Variants in CTSV observed in about 807,000 individuals in gnomAD.
The protein encoded by CTSV is cathepsin L2.
CTSV carries 33 observed loss-of-function variants against 35.6 expected under a neutral mutation model. That is an observed-to-expected ratio of 0.93 (90% CI 0.70 to 1.24). CTSV has a LOEUF of 1.24. Ranked by LOEUF, CTSV falls within the 50% of genes most tolerant of loss-of-function variation. The pLI is 0.00. For synonymous variants in CTSV, 154 were observed against 147.1 expected, an observed-to-expected ratio of 1.05 and a Z score of -0.34; for missense variants, 408 against 413.1, an observed-to-expected ratio of 0.99 and a Z score of 0.11.
chr9:97,032,870 A>G lies in CTSV; in HGVS notation c.*79T>C, dbSNP rs1828777730. 5 of 940,276 alleles carry G rather than the reference A, an allele frequency of 5.3e-6. No individual in the cohort carries two copies. The highest frequency in any genetic ancestry group is 1.6e-5 in the African/African-American group (1 of 61,350). The allele number at this position is 940,276 out of a possible 1,614,324, so 58.2% of individuals were successfully genotyped here. A position where few individuals can be genotyped will look rare whatever the true frequency, so the allele number is the denominator to read the frequency against. On this transcript the variant is annotated 3_prime_UTR_variant, in exon 8 of 8. Transcript: ENST00000259470. ...TGATTCAACTGGTTTATCTTACACA[A>G]TAAGCGTTTGGTCAGTTTCAAGATA...
At position 97,031,074 on chromosome 9, in the gene CTSV, TG is replaced by T. The variant is rs1444715869; in HGVS notation, c.*1874del. 6.6e-6 allele frequency: 1 copy of T among 152,218 alleles called. No individual in the cohort carries two copies. Among genetic ancestry groups the T allele is most frequent in the Non-Finnish European group, 1.5e-5 (1 of 68,042 alleles). The allele number at this position is 152,218 out of a possible 1,614,324, so 9.4% of individuals were successfully genotyped here. A position where few individuals can be genotyped will look rare whatever the true frequency, so the allele number is the denominator to read the frequency against. On this transcript the variant is annotated 3_prime_UTR_variant, in exon 8 of 8. Transcript: ENST00000259470. ...TCTATTTTAGTTTTCCGAGGGGTGC[TG>T]TTTTGACAGATTTGAAATTTTTTTA...
rs1828736556 is a variant in CTSV, at chr9:97,031,044, A to G, written c.*1905T>C. ...TCTTTGAAAATTATAAAATCTTGAA[A>G]TATCTCTATTTTAGTTTTCCGAGGG... On this transcript the variant is annotated 3_prime_UTR_variant, in exon 8 of 8. Transcript: ENST00000259470. The G allele has an allele frequency of 1.3e-5, 2 of 152,222 alleles. No homozygotes were observed. Among genetic ancestry groups the G allele is most frequent in the Admixed American group, 1.3e-4 (2 of 15,278 alleles). 9.4% of individuals were successfully genotyped at this position (152,222 alleles called of 1,614,324 possible).
chr9:97,032,366 C>G lies in CTSV; in HGVS notation c.*583G>C, dbSNP rs1422517921. On this transcript the variant is annotated 3_prime_UTR_variant, in exon 8 of 8. Transcript: ENST00000259470. Reference sequence around the variant, plus strand: ...TGAGCTGAGATCACACTACTGCACTCCAGCCTTGGTGACAGAGTGAGAGAG... The same window carrying G: ...TGAGCTGAGATCACACTACTGCACTGCAGCCTTGGTGACAGAGTGAGAGAG... 1 of 152,160 alleles carries G rather than the reference C, an allele frequency of 6.6e-6. No individual in the cohort carries two copies. Among genetic ancestry groups the G allele is most frequent in the Non-Finnish European group, 1.5e-5 (1 of 68,080 alleles). 9.4% of individuals were successfully genotyped at this position (152,160 alleles called of 1,614,324 possible). A position where few individuals can be genotyped will look rare whatever the true frequency, so the allele number is the denominator to read the frequency against.
At chr9:97,036,387 A>G (rs1428802982) in intron 5 of CTSV, 136 bp downstream of exon 5, 1 of 747,768 alleles carries the variant, frequency 1.3e-6, no homozygotes. Context: ...ATAATTTATA[A>G]TGACAATACT....
Position 97,032,559 on chromosome 9 carries a change from C to T in CTSV, c.*390G>A, listed in dbSNP as rs1014291047. The stretch of plus-strand genomic sequence containing the variant: ...AAGCCAGCTTTCTGCTAGCATCTTT[C>T]TCCTAACATACCATTGGCACATGAA... On this transcript the variant is annotated 3_prime_UTR_variant, in exon 8 of 8. Coordinates refer to ENST00000259470, the MANE Select transcript of CTSV (RefSeq NM_001333.4). 10 of 158,790 alleles carry T rather than the reference C, an allele frequency of 6.3e-5. No homozygotes were observed. The highest frequency in any genetic ancestry group is 2.4e-4 in the African/African-American group (10 of 41,694). The allele number at this position is 158,790 out of a possible 1,614,324, so 9.8% of individuals were successfully genotyped here. A position where few individuals can be genotyped will look rare whatever the true frequency, so the allele number is the denominator to read the frequency against.
chr9:97,033,365 T>C (rs1298159863), intron 7 of CTSV, among the ~76,000 whole-genome samples: 1 of 151,626 alleles, frequency 6.6e-6, no homozygotes, highest in East Asian at 1.9e-4. Flanking sequence ...TCCCAGCACT[T>C]TGGGAGGCTG....
At chr9:97,033,077 T>C (rs1828782963) in intron 7 of CTSV, 29 bp from the exon 8 acceptor site, 4 of 1,522,658 alleles carry the variant, frequency 2.6e-6, no homozygotes, top group South Asian at 2.3e-5. Context: ...TTCCATTTTA[T>C]ACAAGGAATC....
At chr9:97,033,836 C>T (rs1398437072) in intron 7 of CTSV, among the ~76,000 whole-genome samples, 2 of 152,112 alleles carry the variant, frequency 1.3e-5, no homozygotes, top group South Asian at 4.1e-4. Flanking sequence ...TGGCTCATGT[C>T]TGTAATACCA....
At position 97,033,047 on chromosome 9, in the gene CTSV, A is replaced by G; in HGVS notation, c.907T>C (p.Trp303Arg). Residue 303 changes from tryptophan to arginine, a missense_variant and splice_region_variant, in exon 8 of 8, where the codon TGG (tryptophan) becomes CGG (arginine). Trp to Arg is a moderately radical substitution (Grantham distance 101). Transcript: ENST00000259470. ...NSKYWLVKNS[W>R]GPEWGSNGYV... ...CCATTCGAGCCCCATTCTGGACCCC[A>G]GCTGAAAGAGGAGCAGGTTTTCCAT... The G allele has an allele frequency of 6.2e-7, 1 of 1,605,826 alleles. No individual in the cohort carries two copies. The highest frequency in any genetic ancestry group is 8.5e-7 in the Non-Finnish European group (1 of 1,176,514).
chr9:97,037,294 C>T lies in CTSV; in HGVS notation c.354G>A (p.Val118=). The T allele has an allele frequency of 1.2e-6, 2 of 1,614,140 alleles. No individual in the cohort carries two copies. Among genetic ancestry groups the T allele is most frequent in the Non-Finnish European group, 8.5e-7 (1 of 1,180,022 alleles). Residue 118 remains valine, a synonymous_variant, in exon 4 of 8, where the codon GTG becomes GTA. Transcript: ENST00000259470. The part of the protein sequence containing the change: ...EPLFLDLPKS[V]DWRKKGYVTP... ...TCACGTAGCCTTTCTTTCTCCAATC[C>T]ACAGATTTGGGAAGATCAAGAAACA... is the stretch of plus-strand genomic sequence containing the variant.
rs751319414 is a variant in CTSV, at chr9:97,035,567, T to C, written c.748A>G (p.Met250Val). The C allele has an allele frequency of 1.9e-6, 3 of 1,589,468 alleles. No homozygotes were observed. Among genetic ancestry groups the C allele is most frequent in the Middle Eastern group, 1.7e-4 (1 of 5,978 alleles). The change falls in exon 6 of 8, where the codon ATG (methionine) becomes GTG (valine). Residue 250 changes from methionine (M) to valine (V), a missense_variant. Coordinates refer to ENST00000259470, the MANE Select transcript of CTSV (RefSeq NM_001333.4). ...TGGAAGGACGAATGGCCTGCATCCA[T>C]AGCAACGGAGATGGGCCCCACAGTT... ...VATVGPISVA[M>V]DAGHSSFQFY...
In CTSV at chr9:97,035,704, T is replaced by G; in HGVS notation, c.622-11A>C. On this transcript the variant is annotated splice_polypyrimidine_tract_variant and intron_variant, in intron 5 of 7. Coordinates refer to ENST00000259470, the MANE Select transcript of CTSV (RefSeq NM_001333.4). The stretch of plus-strand genomic sequence containing the variant: ...CTTACAGATTTCATCCTTTTAAAGT[T>G]AAAGGGGGAGAGACTTGATCACTAC... 4.1e-6 allele frequency: 6 copies of G among 1,466,310 alleles called. No homozygotes were observed. Among genetic ancestry groups the G allele is most frequent in the Non-Finnish European group, 4.6e-6 (5 of 1,096,614 alleles). 90.8% of individuals were successfully genotyped at this position (1,466,310 alleles called of 1,614,324 possible).
At position 97,032,742 on chromosome 9, in the gene CTSV, G is replaced by A; in HGVS notation, c.*207C>T. 4.8e-6 allele frequency: 2 copies of A among 416,888 alleles called. No homozygotes were observed. The highest frequency in any genetic ancestry group is 8.4e-6 in the Non-Finnish European group (2 of 237,072). 25.8% of individuals were successfully genotyped at this position (416,888 alleles called of 1,614,324 possible). A position where few individuals can be genotyped will look rare whatever the true frequency, so the allele number is the denominator to read the frequency against. On this transcript the variant is annotated 3_prime_UTR_variant, in exon 8 of 8. Transcript: ENST00000259470. ...CAAAAGTCTTAGAATTAAGCAATGA[G>A]TCTTTGATATCATAAAGCTGTGTAT... is the stretch of plus-strand genomic sequence containing the variant.
rs2119226791 is a variant in CTSV at position 97,032,711 on chromosome 9, A to G, written c.*238T>C. On this transcript the variant is annotated 3_prime_UTR_variant, in exon 8 of 8. Coordinates refer to ENST00000259470, the MANE Select transcript of CTSV (RefSeq NM_001333.4). ...GTTTTGTACATCTTTTTAAAAAATG[A>G]AAATTCAAAAGTCTTAGAATTAAGC... 2.6e-6 allele frequency: 1 copy of G among 382,370 alleles called. No homozygotes were observed. Among genetic ancestry groups the G allele is most frequent in the East Asian group, 3.9e-5 (1 of 25,736 alleles). The allele number at this position is 382,370 out of a possible 1,614,324, so 23.7% of individuals were successfully genotyped here.
rs1828767948 is a variant in CTSV, at chr9:97,032,384, TGA to T, written c.*563_*564del. Reference sequence around the variant, plus strand: ...CTGCACTCCAGCCTTGGTGACAGAGTGAGAGAGACTCCGTCTCATAAAAAAAA... The same window carrying T: ...CTGCACTCCAGCCTTGGTGACAGAGTGAGAGACTCCGTCTCATAAAAAAAA... On this transcript the variant is annotated 3_prime_UTR_variant, in exon 8 of 8. Transcript: ENST00000259470. The T allele has an allele frequency of 6.6e-6, 1 of 151,962 alleles. No homozygotes were observed. The highest frequency in any genetic ancestry group is 1.5e-5 in the Non-Finnish European group (1 of 68,062). 9.4% of individuals were successfully genotyped at this position (151,962 alleles called of 1,614,324 possible). A position where few individuals can be genotyped will look rare whatever the true frequency, so the allele number is the denominator to read the frequency against.
chr9:97,034,323 A>G (rs780784562), intron 7 of CTSV, among the ~76,000 whole-genome samples: 16 of 152,196 alleles, frequency 1.1e-4, no homozygotes, highest in Non-Finnish European at 2.2e-4. Flanking sequence ...TCCAATGACA[A>G]TAGAAGGATG....
chr9:97,038,732 T>C (rs939831940), intron 1 of CTSV, among the ~76,000 whole-genome samples: 1 of 152,082 alleles, frequency 6.6e-6, no homozygotes, highest in African/African-American at 2.4e-5. Context: ...CCGCACCGCC[T>C]GCTCTCGCCC....
intron 7 of CTSV, 51 bp downstream of exon 7, chr9:97,034,675 C>T (rs765512690): frequency 1.4e-6 from 2 of 1,388,948 alleles, no homozygotes; most frequent in Non-Finnish European, 2.0e-6. Flanking sequence ...GAACTTGTAT[C>T]CAAATACTGA....
Position 97,034,780 on chromosome 9 carries a change from T to C in CTSV, c.851A>G (p.Tyr284Cys), listed in dbSNP as rs1828817447. Reference protein sequence around the residue: ...NLDHGVLVVGYGFEGANSNNS... With the variant: ...NLDHGVLVVGCGFEGANSNNS... ...ATTCGAATTTGCTCCTTCAAAGCCGTAGCCAACCACCAGAACACCATGATC... is the reference window on the plus strand; with the variant it reads ...ATTCGAATTTGCTCCTTCAAAGCCGCAGCCAACCACCAGAACACCATGATC... The change falls in exon 7 of 8, where the codon TAC becomes TGC. Residue 284 changes from tyrosine (Y) to cysteine (C), a missense_variant. Physicochemically the swap from Tyr to Cys is radical, Grantham distance 194. Transcript: ENST00000259470. The C allele has an allele frequency of 5.0e-6, 8 of 1,614,158 alleles. No individual in the cohort carries two copies. The highest frequency in any genetic ancestry group is 6.8e-6 in the Non-Finnish European group (8 of 1,180,028).
Sources: gnomAD v4.1 joint callset for allele counts (sites outside exome capture counted in the v4.1 genomes callset) on GRCh38, gnomAD v4.1.1 for gene constraint, MANE v1.5 for transcripts, NCBI Gene and HGNC (gene_info 2026-07-23, HGNC 2026-07-21) for gene names.